The following TOP6BL variants were observed in gnomAD, a reference collection of about 807,000 sequenced individuals.
The protein encoded by TOP6BL is TOP6B like initiator of meiotic double strand breaks.
At chr11:66,777,126 ATGT>A in the TOP6BL span, among the ~76,000 whole-genome samples, 1 of 145,282 alleles carries the variant, frequency 6.9e-6, no homozygotes, top group Non-Finnish European at 1.5e-5. Flanking sequence ...TATATCTATA[ATGT>A]TGTCCTATGT....
At chr11:66,793,129 C>T in the TOP6BL span, among the ~76,000 whole-genome samples, 5 of 151,732 alleles carry the variant, frequency 3.3e-5, no homozygotes, top group Admixed American at 3.3e-4. Flanking sequence ...ACTCTGTCAC[C>T]CAGGCTGGAG....
At chr11:66,762,066 C>T in the TOP6BL span, 2 of 1,299,920 alleles carry the variant, frequency 1.5e-6, no homozygotes, top group African/African-American at 1.5e-5. Context: ...AATTTAGCTT[C>T]TGTCCCATTC....
the TOP6BL span, among the ~76,000 whole-genome samples, chr11:66,746,137 G>A: frequency 3.6e-4 from 55 of 152,268 alleles, 3 homozygotes; most frequent in Admixed American, 1.9e-3. Context: ...CAGAGGACGT[G>A]TGAAGGAATA....
At chr11:66,780,910 C>T in the TOP6BL span, among the ~76,000 whole-genome samples, 2 of 152,134 alleles carry the variant, frequency 1.3e-5, no homozygotes, top group Admixed American at 1.3e-4. Context: ...GGTAAGAAGT[C>T]AGCTGTGATT....
chr11:66,761,789 C>T, the TOP6BL span: 1 of 803,310 alleles, frequency 1.2e-6, no homozygotes, highest in East Asian at 2.6e-5. Flanking sequence ...GCTGGTGGAC[C>T]AAAAGCTAAC....
At chr11:66,761,571 T>A in the TOP6BL span, 1 of 1,129,158 alleles carries the variant, frequency 8.9e-7, no homozygotes, top group Non-Finnish European at 1.2e-6. Flanking sequence ...AGTGTCTGTC[T>A]GCTCTACTGG....
At chr11:66,840,922 T>C in the TOP6BL span, among the ~76,000 whole-genome samples, 4 of 152,184 alleles carry the variant, frequency 2.6e-5, no homozygotes, top group South Asian at 4.2e-4. Context: ...GACTCTCAAA[T>C]TGGTATGACC....
chr11:66,839,792 C>G, the TOP6BL span, among the ~76,000 whole-genome samples: 2 of 152,270 alleles, frequency 1.3e-5, no homozygotes, highest in African/African-American at 4.8e-5. Context: ...TCTTCCCATA[C>G]AAGGAAAAAA....
At chr11:66,782,306 T>A in the TOP6BL span, among the ~76,000 whole-genome samples, 1 of 152,204 alleles carries the variant, frequency 6.6e-6, no homozygotes, top group Admixed American at 6.5e-5. Flanking sequence ...CACTGGAAAA[T>A]CTTGCTAGTG....
At chr11:66,767,469 T>C in the TOP6BL span, among the ~76,000 whole-genome samples, 2 of 152,218 alleles carry the variant, frequency 1.3e-5, no homozygotes, top group Non-Finnish European at 2.9e-5. Context: ...TATAGATCTT[T>C]ATTTTGCTGC....
At chr11:66,765,998 C>A in the TOP6BL span, among the ~76,000 whole-genome samples, 1,639 of 152,230 alleles carry the variant, frequency 0.011, 35 homozygotes, top group African/African-American at 0.037. Flanking sequence ...TAAATTGGTC[C>A]ATTTACTGAT....
At chr11:66,757,075 G>A in the TOP6BL span, among the ~76,000 whole-genome samples, 1 of 151,124 alleles carries the variant, frequency 6.6e-6, no homozygotes, top group African/African-American at 2.4e-5. Context: ...AGGCACTGTG[G>A]CTCATACCTG....
the TOP6BL span, among the ~76,000 whole-genome samples, chr11:66,820,315 T>G: frequency 1.3e-5 from 2 of 152,172 alleles, no homozygotes; most frequent in Non-Finnish European, 2.9e-5. Flanking sequence ...TGGTTTGCAT[T>G]TTTAATACAG....
chr11:66,776,070 T>C, the TOP6BL span, among the ~76,000 whole-genome samples: 1 of 152,168 alleles, frequency 6.6e-6, no homozygotes, highest in Admixed American at 6.5e-5. Flanking sequence ...GGCTTCTTTT[T>C]TTTTTTGAGA....
the TOP6BL span, among the ~76,000 whole-genome samples, chr11:66,774,386 C>G: frequency 8.6e-5 from 13 of 152,014 alleles, no homozygotes; most frequent in African/African-American, 3.1e-4. Flanking sequence ...ATAAATCTTG[C>G]TATATGATAG....
At chr11:66,767,953 A>T in the TOP6BL span, among the ~76,000 whole-genome samples, 8,445 of 152,114 alleles carry the variant, frequency 0.056, 330 homozygotes, top group East Asian at 0.12. Context: ...CACCATGCCC[A>T]GCTAGTTATT....
chr11:66,842,918 T>C, the TOP6BL span: 1 of 1,564,924 alleles, frequency 6.4e-7, no homozygotes, highest in African/African-American at 1.4e-5. Context: ...ATGCGAGCTC[T>C]GCGCTCTGCC....
At chr11:66,800,680 T>G in the TOP6BL span, 1 of 1,605,700 alleles carries the variant, frequency 6.2e-7, no homozygotes, top group South Asian at 1.1e-5. Context: ...TGGAATCCTC[T>G]CCACAGAGAT....
chr11:66,843,313 C>G, the TOP6BL span: 2 of 1,545,706 alleles, frequency 1.3e-6, no homozygotes, highest in Admixed American at 1.9e-5. Flanking sequence ...AAAGCTGCCG[C>G]GCGCTCACCA....
Sources: gnomAD v4.1 joint callset for allele counts (sites outside exome capture counted in the v4.1 genomes callset) on GRCh38, gnomAD v4.1.1 for gene constraint, MANE v1.5 for transcripts, NCBI Gene and HGNC (gene_info 2026-07-23, HGNC 2026-07-21) for gene names.